ARK2C: variants seen among roughly 807,000 people sequenced by gnomAD.
ARK2C encodes the protein E3 ubiquitin-protein ligase ARK2C.
At chr18:46,421,500 CA>C in the ARK2C span, among the ~76,000 whole-genome samples, 16 of 152,338 alleles carry the variant, frequency 1.1e-4, no homozygotes, top group Non-Finnish European at 1.8e-4. Flanking sequence ...CTTCTGACCA[CA>C]TATGCCTTCC....
chr18:46,450,572 C>A, the ARK2C span: 3 of 815,516 alleles, frequency 3.7e-6, no homozygotes, highest in Non-Finnish European at 6.2e-6. Context: ...AGTCTTTCAG[C>A]ATCAGATGAG....
chr18:46,334,781 A>T, the ARK2C span: 1 of 272,780 alleles, frequency 3.7e-6, no homozygotes. The surrounding 1 kb of genome is among the most constrained non-coding windows in gnomAD (Gnocchi z 4.4). Flanking sequence ...TTTTTGAGGT[A>T]TATGTGTGTT....
At chr18:46,408,120 C>T in the ARK2C span, among the ~76,000 whole-genome samples, 6 of 152,204 alleles carry the variant, frequency 3.9e-5, no homozygotes, top group African/African-American at 9.6e-5. Context: ...TCAGATAGGT[C>T]GGGGCAGTGG....
chr18:46,364,722 C>T, the ARK2C span, among the ~76,000 whole-genome samples: 19 of 152,188 alleles, frequency 1.2e-4, no homozygotes, highest in Admixed American at 1.2e-3. Flanking sequence ...GCTCTCTCTG[C>T]CCATCCGTGC....
the ARK2C span, chr18:46,456,555 C>T: frequency 1.2e-6 from 2 of 1,614,040 alleles, no homozygotes. Context: ...ACCAACTGTG[C>T]GTGGACCAGT....
At chr18:46,418,733 G>T in the ARK2C span, among the ~76,000 whole-genome samples, 3 of 152,198 alleles carry the variant, frequency 2.0e-5, no homozygotes, top group Non-Finnish European at 4.4e-5. Flanking sequence ...CAATTATGTG[G>T]AAAGATAGTT....
chr18:46,412,707 T>C, the ARK2C span, among the ~76,000 whole-genome samples: 1 of 152,178 alleles, frequency 6.6e-6, no homozygotes, highest in Non-Finnish European at 1.5e-5. Flanking sequence ...TGGTCCTGAC[T>C]ACCCCCACCC....
At chr18:46,409,155 A>G in the ARK2C span, among the ~76,000 whole-genome samples, 1 of 152,246 alleles carries the variant, frequency 6.6e-6, no homozygotes, top group Non-Finnish European at 1.5e-5. Context: ...TTACAACTGC[A>G]GGCCTTCAAG....
the ARK2C span, among the ~76,000 whole-genome samples, chr18:46,393,897 T>C: frequency 6.6e-6 from 1 of 152,220 alleles, no homozygotes; most frequent in Admixed American, 6.5e-5. Context: ...ACTTAATCCT[T>C]CTGAATATTA....
At chr18:46,382,956 C>G in the ARK2C span, among the ~76,000 whole-genome samples, 14 of 152,250 alleles carry the variant, frequency 9.2e-5, no homozygotes, top group Non-Finnish European at 1.9e-4. Context: ...CAACGTCATA[C>G]TCTTCTTGGC....
the ARK2C span, among the ~76,000 whole-genome samples, chr18:46,421,264 C>T: frequency 6.6e-6 from 1 of 152,232 alleles, no homozygotes; most frequent in African/African-American, 2.4e-5. Flanking sequence ...CCCTCTGACA[C>T]CATCAAATTC....
the ARK2C span, among the ~76,000 whole-genome samples, chr18:46,428,115 C>T: frequency 6.6e-6 from 1 of 152,080 alleles, no homozygotes; most frequent in Non-Finnish European, 1.5e-5. Flanking sequence ...AGCTTTAACA[C>T]CAGGCCAAGG....
At chr18:46,385,668 A>G in the ARK2C span, 1 of 152,190 alleles carries the variant, frequency 6.6e-6, no homozygotes, top group Non-Finnish European at 1.5e-5. Flanking sequence ...CCTTTGGAGC[A>G]TGAACTGAGC....
the ARK2C span, among the ~76,000 whole-genome samples, chr18:46,438,696 C>T: frequency 6.6e-6 from 1 of 152,180 alleles, no homozygotes; most frequent in African/African-American, 2.4e-5. Flanking sequence ...TCAGATGCAC[C>T]TGTGAATATG....
chr18:46,431,913 C>T, the ARK2C span, among the ~76,000 whole-genome samples: 1 of 152,220 alleles, frequency 6.6e-6, no homozygotes, highest in South Asian at 2.1e-4. Context: ...TTGGTAGGTG[C>T]TTGGTGTTCA....
the ARK2C span, among the ~76,000 whole-genome samples, chr18:46,378,445 G>C: frequency 1.3e-5 from 2 of 152,308 alleles, no homozygotes; most frequent in South Asian, 4.1e-4. Flanking sequence ...CCACCGTGGA[G>C]GGGCAGCGTG....
At chr18:46,392,007 C>A in the ARK2C span, among the ~76,000 whole-genome samples, 1 of 151,556 alleles carries the variant, frequency 6.6e-6, no homozygotes, top group Non-Finnish European at 1.5e-5. Context: ...CACACATATG[C>A]ACACAACACA....
the ARK2C span, among the ~76,000 whole-genome samples, chr18:46,357,075 G>A: frequency 2.6e-5 from 4 of 152,208 alleles, no homozygotes; most frequent in East Asian, 7.7e-4. Context: ...TCTGAGGTAG[G>A]AATCTGTATT....
chr18:46,396,613 T>G, the ARK2C span, among the ~76,000 whole-genome samples: 2 of 152,254 alleles, frequency 1.3e-5, no homozygotes, highest in African/African-American at 4.8e-5. Flanking sequence ...TTGGTAAGTA[T>G]CTACTGTCCA....
Sources: gnomAD v4.1 joint callset for allele counts (sites outside exome capture counted in the v4.1 genomes callset) on GRCh38, gnomAD v4.1.1 for gene constraint, Gnocchi (gnomAD v3.1) non-coding constraint, MANE v1.5 for transcripts, NCBI Gene and HGNC (gene_info 2026-07-23, HGNC 2026-07-21) for gene names.